UBXN7: variants seen among roughly 807,000 people sequenced by gnomAD.
UBXN7 encodes UBX domain protein 7.
UBXN7 carries 9 observed loss-of-function variants against 58.0 expected under a neutral mutation model. The ratio of observed to expected loss-of-function variants is 0.16; its 90% CI spans 0.09 to 0.27. The LOEUF is 0.27. Among genes scored for constraint, UBXN7 ranks in the 10% least tolerant of loss-of-function variants. UBXN7 has a pLI of 1.00. For missense variants in UBXN7, 328 were observed against 599.6 expected, an observed-to-expected ratio of 0.55 and a Z score of 4.73; for synonymous variants, 208 against 205.0, an observed-to-expected ratio of 1.01 and a Z score of -0.12.
intron 1 of UBXN7, among the ~76,000 whole-genome samples, chr3:196,416,664 A>G (rs1325853533): frequency 1.3e-5 from 2 of 152,122 alleles, no homozygotes; most frequent in African/African-American, 4.8e-5. Flanking sequence ...TCCTAAGTGC[A>G]GTTTTTTTCC....
At chr3:196,417,237 C>CA (rs1553854395) in intron 1 of UBXN7, among the ~76,000 whole-genome samples, 1 of 152,044 alleles carries the variant, frequency 6.6e-6, no homozygotes, top group Non-Finnish European at 1.5e-5. Flanking sequence ...GGCGTGAACC[C>CA]GGCAGCGGAG....
chr3:196,401,296 TATAC>T (rs1339974755), intron 3 of UBXN7, among the ~76,000 whole-genome samples: 13 of 77,376 alleles, frequency 1.7e-4, no homozygotes, highest in South Asian at 7.5e-4. Context: ...TATATATATA[TATAC>T]ACACACACAC....
chr3:196,369,903 C>T (rs113905482), intron 6 of UBXN7, among the ~76,000 whole-genome samples: 2 of 151,992 alleles, frequency 1.3e-5, no homozygotes, highest in African/African-American at 4.8e-5. Flanking sequence ...GAGGCCGAGG[C>T]GAGTGGATCA....
At chr3:196,385,283 C>T (rs1041973535) in intron 5 of UBXN7, among the ~76,000 whole-genome samples, 5 of 152,226 alleles carry the variant, frequency 3.3e-5, no homozygotes, top group African/African-American at 9.6e-5. Flanking sequence ...GGATTGCAGA[C>T]GGAGTCTCGC....
chr3:196,428,631 G>A (rs545486997), intron 1 of UBXN7, among the ~76,000 whole-genome samples: 2 of 151,714 alleles, frequency 1.3e-5, no homozygotes, highest in Non-Finnish European at 2.9e-5. Flanking sequence ...AGTGTCCCAC[G>A]CCTGTAATCC....
Position 196,401,823 on chromosome 3 carries a change from GAGAGAAGAGA to G in UBXN7, c.289+1119_289+1128del, listed in dbSNP as rs56069211. On this transcript the variant is annotated intron_variant, in intron 3 of 10. Transcript: ENST00000296328. ...AGGAAAGAAAGAAAAGAAAAGAGAA[GAGAGAAGAGA>G]AGAGAAGAGAAGAGAAGAGAAGAGA... 1.3e-3 allele frequency among the ~76,000 whole-genome samples: 157 copies of G among 120,344 alleles called. 3 individuals are homozygous for G. The highest frequency in any genetic ancestry group is 0.012 in the South Asian group (41 of 3,298). 79.0% of individuals were successfully genotyped at this position (120,344 alleles called of 152,430 possible). A position where few individuals can be genotyped will look rare whatever the true frequency, so the allele number is the denominator to read the frequency against.
chr3:196,386,623 G>A (rs1729408038), intron 5 of UBXN7, among the ~76,000 whole-genome samples: 1 of 152,092 alleles, frequency 6.6e-6, no homozygotes, highest in African/African-American at 2.4e-5. Context: ...TTGCTACAAA[G>A]AGAATAAAAT....
In UBXN7 at chr3:196,348,801, G is replaced by A. The variant is rs1577423213; in HGVS notation, c.*7884C>T. Reference sequence around the variant, plus strand: ...GACATGCCAGAACTGGACATCCCAGGTGACTTCAAATGCATTGTTCAAGCC... The same window carrying A: ...GACATGCCAGAACTGGACATCCCAGATGACTTCAAATGCATTGTTCAAGCC... On this transcript the variant is annotated 3_prime_UTR_variant, in exon 11 of 11. Transcript: ENST00000296328. The A allele has an allele frequency of 2.0e-5, 3 of 152,226 alleles. No individual in the cohort carries two copies. The highest frequency in any genetic ancestry group is 2.9e-5 in the Non-Finnish European group (2 of 68,030). 9.4% of individuals were successfully genotyped at this position (152,226 alleles called of 1,614,324 possible).
chr3:196,379,579 T>C (rs972962517), intron 5 of UBXN7, among the ~76,000 whole-genome samples: 7 of 152,194 alleles, frequency 4.6e-5, no homozygotes, highest in South Asian at 4.1e-4. Flanking sequence ...ATAGGGACGA[T>C]GGTATTCCTG....
intron 3 of UBXN7, 79 bp from the exon 4 acceptor site, chr3:196,393,698 A>AT (rs1729654384): frequency 1.4e-6 from 2 of 1,403,328 alleles, no homozygotes; most frequent in Admixed American, 2.0e-5. Flanking sequence ...ATCTAAAAGT[A>AT]TTTTTTTAAT....
At chr3:196,427,609 G>A (rs1025503405) in intron 1 of UBXN7, among the ~76,000 whole-genome samples, 3 of 152,176 alleles carry the variant, frequency 2.0e-5, no homozygotes, top group Non-Finnish European at 4.4e-5. Context: ...GTGAGCCACC[G>A]CACCTGGCTT....
At chr3:196,418,129 C>A (rs1358513931) in intron 1 of UBXN7, among the ~76,000 whole-genome samples, 1 of 151,836 alleles carries the variant, frequency 6.6e-6, no homozygotes, top group African/African-American at 2.4e-5. Flanking sequence ...CCCAGCTACT[C>A]GGGAGGCTGG....
chr3:196,423,888 C>CTTT (rs1235337251), intron 1 of UBXN7, among the ~76,000 whole-genome samples: 3 of 131,392 alleles, frequency 2.3e-5, no homozygotes, highest in Admixed American at 7.7e-5. Flanking sequence ...TAATTTTTCA[C>CTTT]TTTTTTTTTT....
chr3:196,429,491 CTTTTTT>C (rs1360972964), intron 1 of UBXN7, among the ~76,000 whole-genome samples: 1 of 151,388 alleles, frequency 6.6e-6, no homozygotes, highest in Admixed American at 6.6e-5. Flanking sequence ...TTTTCTTTTT[CTTTTTT>C]TTGCTCCTGC....
intron 10 of UBXN7, among the ~76,000 whole-genome samples, chr3:196,361,147 T>C (rs1333347821): frequency 2.0e-5 from 3 of 152,076 alleles, no homozygotes; most frequent in Non-Finnish European, 4.4e-5. Context: ...ATGGATGACT[T>C]TGAGGGGTTT....
chr3:196,417,276 C>G (rs1426919607), intron 1 of UBXN7, among the ~76,000 whole-genome samples: 3 of 152,192 alleles, frequency 2.0e-5, no homozygotes, highest in Non-Finnish European at 4.4e-5. Flanking sequence ...CGCGCGACTG[C>G]ACTCCAGCCT....
chr3:196,372,572 C>T (rs1028895947), intron 5 of UBXN7, among the ~76,000 whole-genome samples: 1 of 151,888 alleles, frequency 6.6e-6, no homozygotes, highest in African/African-American at 2.4e-5. Context: ...GAACTTCTGA[C>T]CTCAAATGAC....
intron 4 of UBXN7, 51 bp from the exon 5 acceptor site, chr3:196,391,976 C>CT: frequency 6.5e-5 from 22 of 338,584 alleles, no homozygotes; most frequent in Non-Finnish European, 8.2e-5. Flanking sequence ...ATGAATCACA[C>CT]TGAAAAAAAA....
intron 3 of UBXN7, among the ~76,000 whole-genome samples, chr3:196,401,823 G>GAGAAGAGAAGAGA (rs145395839): frequency 1.1e-3 from 135 of 120,336 alleles, no homozygotes; most frequent in African/African-American, 4.1e-3. Flanking sequence ...GAAAAGAGAA[G>GAGAAGAGAAGAGA]AGAGAAGAGA....
Sources: allele counts gnomAD v4.1 joint callset (sites outside exome capture counted in the v4.1 genomes callset), GRCh38; gene constraint gnomAD v4.1.1; transcripts MANE v1.5; gene names NCBI Gene and HGNC (gene_info 2026-07-23, HGNC 2026-07-21).